MIGA2: variants seen among roughly 807,000 people sequenced by gnomAD.
MIGA2 encodes the protein family with sequence similarity 73, member B.
A neutral mutation model predicts 69.9 loss-of-function variants in MIGA2; 36 were observed. The observed-to-expected ratio is 0.52, with a 90% CI of 0.39 to 0.68. The LOEUF is 0.68. Among genes scored for constraint, MIGA2 ranks in the 30% least tolerant of loss-of-function variants. MIGA2 has a pLI of 0.00. For missense variants in MIGA2, 660 were observed against 787.7 expected, an observed-to-expected ratio of 0.84 and a Z score of 1.94; for synonymous variants, 333 against 349.2, an observed-to-expected ratio of 0.95 and a Z score of 0.52.
At chr9:129,055,517 A>C (rs984483440) in intron 6 of MIGA2, among the ~76,000 whole-genome samples, 15 of 152,144 alleles carry the variant, frequency 9.9e-5, no homozygotes, top group African/African-American at 3.6e-4. Flanking sequence ...TCAAATTGTC[A>C]TAAATTTCCA....
rs141738163 is a variant in MIGA2 at position 129,042,285 on chromosome 9, C to T, written c.97-19C>T. 555 of 1,609,442 alleles carry T rather than the reference C, an allele frequency of 3.4e-4. 1 individual carries two copies. The African/African-American group carries it at 6.3e-3, about 18-fold the overall frequency. On this transcript the variant is annotated intron_variant, in intron 2 of 15. Coordinates refer to ENST00000684074, the MANE Select transcript of MIGA2 (RefSeq NM_001329990.2). The stretch of plus-strand genomic sequence containing the variant: ...TTCCCCAGGGAGGTGTAACCGGCAG[C>T]GTCTCCTCTTCCCTGCAGTCTGCAT...
intron 1 of MIGA2, chr9:129,036,939 C>T (rs967454048): frequency 1.1e-5 from 11 of 1,002,618 alleles, no homozygotes; most frequent in Non-Finnish European, 1.3e-5. Context: ...CGCGCAGGTA[C>T]CCGATCCGAG....
chr9:129,041,986 AGGCTAGG>A (rs1431057454), intron 2 of MIGA2: 1 of 314,014 alleles, frequency 3.2e-6, no homozygotes, highest in Middle Eastern at 9.4e-4. Context: ...TGGGTACCCC[AGGCTAGG>A]TCCTAGTGCA....
chr9:129,062,474 G>T (rs1456702411), intron 9 of MIGA2, among the ~76,000 whole-genome samples: 1 of 150,162 alleles, frequency 6.7e-6, no homozygotes, highest in Non-Finnish European at 1.5e-5. Flanking sequence ...AGAGGTTGCA[G>T]TGAGTGGAGA....
Position 129,069,030 on chromosome 9 carries a change from G to C in MIGA2, c.1405-46G>C. On this transcript the variant is annotated intron_variant, in intron 13 of 15. Coordinates refer to ENST00000684074, the MANE Select transcript of MIGA2 (RefSeq NM_001329990.2). This position sits in a 1 kb window ranked among gnomAD's most constrained non-coding sequence, Gnocchi z 4.9. ...GCTGGCAGAGGGCGAGGGGCTGTGG[G>C]CTAGGCCCATTTTGACACCCGGGGG... 1 of 1,611,974 alleles carries C rather than the reference G, an allele frequency of 6.2e-7. No individual in the cohort carries two copies. The highest frequency in any genetic ancestry group is 8.5e-7 in the Non-Finnish European group (1 of 1,178,236).
intron 2 of MIGA2, among the ~76,000 whole-genome samples, chr9:129,041,535 A>G (rs1844906678): frequency 6.6e-6 from 1 of 151,900 alleles, no homozygotes; most frequent in African/African-American, 2.4e-5. Flanking sequence ...GGGCCTTGCC[A>G]TTTTGCCCAG....
intron 6 of MIGA2, among the ~76,000 whole-genome samples, chr9:129,052,582 TG>T (rs59669441): frequency 0.031 from 4,791 of 152,194 alleles, 242 homozygotes; most frequent in African/African-American, 0.11. Context: ...TTTGAGGGGA[TG>T]GGGCCACTTT....
At chr9:129,051,309 C>A (rs1435022371) in intron 6 of MIGA2, 1 of 180,912 alleles carries the variant, frequency 5.5e-6, no homozygotes, top group Non-Finnish European at 1.1e-5. Context: ...GACGGAGTCT[C>A]ACTCTGTTGC....
intron 11 of MIGA2, 24 bp downstream of exon 11, chr9:129,063,655 G>GGGGGT: frequency 6.2e-6 from 4 of 645,744 alleles, no homozygotes; most frequent in Admixed American, 1.9e-5. Flanking sequence ...GGGTGGGGGG[G>GGGGGT]CAAATTATAA....
rs1029383694 is a variant in MIGA2, at chr9:129,042,494, A to AG, written c.289dup (p.Val97GlyfsTer31). 1.9e-6 allele frequency: 3 copies of AG among 1,578,382 alleles called. No homozygotes were observed. The highest frequency in any genetic ancestry group is 1.8e-5 in the Admixed American group (1 of 54,334). On this transcript the variant is annotated frameshift_variant, in exon 3 of 16. Coordinates refer to ENST00000684074, the MANE Select transcript of MIGA2 (RefSeq NM_001329990.2). LOFTEE classifies it high-confidence loss of function. Reference sequence around the variant, plus strand: ...CCCCTCCCTATCCTCTTGGCCAGGAAGGTCCCTTCAGTGAAGAAAGGTAGG... The same window carrying AG: ...CCCCTCCCTATCCTCTTGGCCAGGAAGGGTCCCTTCAGTGAAGAAAGGTAGG...
chr9:129,070,316 C>A lies in MIGA2; in HGVS notation c.1645C>A (p.Leu549Met), dbSNP rs746546636. 1 of 1,613,178 alleles carries A rather than the reference C, an allele frequency of 6.2e-7. No individual in the cohort carries two copies. Among genetic ancestry groups the A allele is most frequent in the South Asian group, 1.1e-5 (1 of 91,088 alleles). ...TGTGCGCTACACGTCACTGCCCGCG[C>A]TGGCAGACGACATCCTGCAGCTGTC... Reference protein sequence around the residue: ...DNVRYTSLPALADDILQLSRR... With the variant: ...DNVRYTSLPAMADDILQLSRR... The change falls in exon 16 of 16, where the codon CTG (leucine) becomes ATG (methionine). Residue 549 changes from leucine to methionine, a missense_variant. Transcript: ENST00000684074.
chr9:129,050,033 C>T (rs1303509349), intron 6 of MIGA2, 70 bp downstream of exon 6: 2 of 1,540,656 alleles, frequency 1.3e-6, no homozygotes, highest in Non-Finnish European at 1.8e-6. Context: ...GGCGGCCACA[C>T]CTTGGGAGGC....
chr9:129,051,247 C>A, intron 6 of MIGA2: 1 of 172,096 alleles, frequency 5.8e-6, no homozygotes, highest in Non-Finnish European at 1.2e-5. Flanking sequence ...AAGTTTTCAA[C>A]AGTGAATTAT....
At chr9:129,042,196 T>C in intron 2 of MIGA2, 108 bp from the exon 3 acceptor site, 1 of 1,085,706 alleles carries the variant, frequency 9.2e-7, no homozygotes, top group Non-Finnish European at 1.3e-6. Context: ...TCGGCAGATG[T>C]GCCGGAGAGC....
chr9:129,040,370 C>T (rs1844832009), intron 1 of MIGA2, 82 bp from the exon 2 acceptor site: 2 of 1,041,110 alleles, frequency 1.9e-6, no homozygotes, highest in Non-Finnish European at 2.5e-6. Flanking sequence ...TGCCTCCTCC[C>T]CCATGGACGC....
intron 11 of MIGA2, among the ~76,000 whole-genome samples, chr9:129,064,921 T>TACC (rs1180010465): frequency 6.6e-6 from 1 of 151,960 alleles, no homozygotes; most frequent in African/African-American, 2.4e-5. Flanking sequence ...TAGCTGGGAT[T>TACC]ACAGGCATGT....
intron 11 of MIGA2, among the ~76,000 whole-genome samples, chr9:129,064,043 C>A (rs1387363078): frequency 6.6e-6 from 1 of 152,160 alleles, no homozygotes; most frequent in Non-Finnish European, 1.5e-5. Context: ...TGGGGCAGAG[C>A]CTTGGATATG....
Position 129,044,463 on chromosome 9 carries a change from C to T in MIGA2, c.307+1949C>T, listed in dbSNP as rs548292049. ...GCTGCTGTGGTTGTAAAAACTCTTA[C>T]GGCTCCTGTTAATCTTGTAATACAG... On this transcript the variant is annotated intron_variant, in intron 3 of 15. Coordinates refer to ENST00000684074, the MANE Select transcript of MIGA2 (RefSeq NM_001329990.2). Among the ~76,000 whole-genome samples, 76 of 152,264 alleles carry T rather than the reference C, an allele frequency of 5.0e-4. 1 individual carries two copies. Among genetic ancestry groups the T allele is most frequent in the African/African-American group, 1.7e-3 (69 of 41,560 alleles).
At chr9:129,050,580 T>TATTA (rs1845472462) in intron 6 of MIGA2, among the ~76,000 whole-genome samples, 1 of 146,408 alleles carries the variant, frequency 6.8e-6, no homozygotes, top group African/African-American at 2.5e-5. Flanking sequence ...GCTGTTTTTT[T>TATTA]TTTTTTTTTG....
Sources: gnomAD v4.1 joint callset for allele counts (sites outside exome capture counted in the v4.1 genomes callset) on GRCh38, gnomAD v4.1.1 for gene constraint, Gnocchi (gnomAD v3.1) non-coding constraint, MANE v1.5 for transcripts, NCBI Gene and HGNC (gene_info 2026-07-23, HGNC 2026-07-21) for gene names.